Variants in UQCC1 observed in about 807,000 individuals in gnomAD.
UQCC1 encodes ubiquinol-cytochrome c reductase complex assembly factor 1.
Under a neutral mutation model 48.0 loss-of-function variants are expected in UQCC1, and 38 were observed. That is an observed-to-expected ratio of 0.79 (90% CI 0.61 to 1.04). UQCC1 has a LOEUF of 1.04. Ranked by LOEUF, UQCC1 falls within the 50% of genes least tolerant of loss-of-function variation. UQCC1 has a pLI of 0.00. For missense variants in UQCC1, 368 were observed against 381.8 expected (o/e 0.96, Z 0.30); for synonymous variants, 111 against 129.2 (o/e 0.86, Z 0.95).
intron 7 of UQCC1, among the ~76,000 whole-genome samples, chr20:35,336,301 C>T (rs1361478860): frequency 6.6e-6 from 1 of 152,154 alleles, no homozygotes; most frequent in Admixed American, 6.5e-5. Flanking sequence ...TAAAAGATAT[C>T]CATGTCCCAG....
chr20:35,407,724 A>G (rs998103045), intron 1 of UQCC1, among the ~76,000 whole-genome samples: 9 of 152,146 alleles, frequency 5.9e-5, no homozygotes, highest in African/African-American at 1.9e-4. Context: ...CATCTCTACT[A>G]AAAATACAAA....
intron 7 of UQCC1, chr20:35,346,204 A>G (rs1473022925): frequency 1.3e-5 from 2 of 152,168 alleles, no homozygotes; most frequent in Non-Finnish European, 2.9e-5. Context: ...ATCAGCAGAC[A>G]TGGGCAGGGA....
chr20:35,403,964 G>A (rs1428128840), intron 1 of UQCC1, among the ~76,000 whole-genome samples: 3 of 152,108 alleles, frequency 2.0e-5, no homozygotes, highest in African/African-American at 4.8e-5. Flanking sequence ...TAGGCCGGGC[G>A]TGGTGGCTCA....
chr20:35,343,292 C>G (rs927320772), intron 7 of UQCC1, among the ~76,000 whole-genome samples: 1 of 152,170 alleles, frequency 6.6e-6, no homozygotes, highest in African/African-American at 2.4e-5. Context: ...GTTAGGCCTC[C>G]CCTGTCCCCA....
In UQCC1 at chr20:35,394,184, T is replaced by C. The variant is rs78363605; in HGVS notation, c.37A>G (p.Ser13Gly). The change falls in exon 2 of 10, where the codon AGC (serine) becomes GGC (glycine). Residue 13 changes from serine (S) to glycine (G), a missense_variant. Coordinates refer to ENST00000374385, the MANE Select transcript of UQCC1 (RefSeq NM_018244.5). Reference sequence around the variant, plus strand: ...CATACTGGAACCCACTGAGAAATGCTAGTCTGGTTCCTCTAAAGAAAGAAA... The same window carrying C: ...CATACTGGAACCCACTGAGAAATGCCAGTCTGGTTCCTCTAAAGAAAGAAA... ...LLVRVLRNQT[S>G]ISQWVPVCSR... The C allele has an allele frequency of 2.3e-3, 3,745 of 1,613,898 alleles. 69 individuals carry two copies. In the African/African-American group the frequency reaches 0.045, roughly 20 times the overall value.
chr20:35,318,599 T>C (rs1362025470), intron 7 of UQCC1, among the ~76,000 whole-genome samples: 1 of 152,230 alleles, frequency 6.6e-6, no homozygotes, highest in African/African-American at 2.4e-5. Context: ...GCCTCTCCCT[T>C]CACCTCTAGC....
chr20:35,323,821 T>C (rs1423725625), intron 7 of UQCC1, among the ~76,000 whole-genome samples: 1 of 152,222 alleles, frequency 6.6e-6, no homozygotes, highest in Non-Finnish European at 1.5e-5. Flanking sequence ...ACCTACTCTT[T>C]CCCATTTCCA....
rs558076150 is a variant in UQCC1 at position 35,354,702 on chromosome 20, G to A, written c.465-7430C>T. Among the ~76,000 whole-genome samples the A allele has an allele frequency of 7.9e-5, 12 of 152,070 alleles. No individual in the cohort carries two copies. In the East Asian group the frequency reaches 2.1e-3, roughly 27 times the overall value. On this transcript the variant is annotated intron_variant, in intron 6 of 9. Coordinates refer to ENST00000374385, the MANE Select transcript of UQCC1 (RefSeq NM_018244.5). ...GAGCCACCATGCCCAGCCAAAGGAG[G>A]GCAAATTCTCATTACTCCTAAAACA...
At chr20:35,352,961 C>T (rs985430267) in intron 6 of UQCC1, among the ~76,000 whole-genome samples, 3 of 151,846 alleles carry the variant, frequency 2.0e-5, no homozygotes, top group East Asian at 1.9e-4. Context: ...GATACAGGCA[C>T]GAGCCACTGC....
intron 7 of UQCC1, among the ~76,000 whole-genome samples, chr20:35,324,549 A>G (rs537123148): frequency 6.6e-6 from 1 of 152,120 alleles, no homozygotes; most frequent in Non-Finnish European, 1.5e-5. Flanking sequence ...GATGGTCTCG[A>G]TCTCCTGACC....
At chr20:35,335,922 C>T (rs896058967) in intron 7 of UQCC1, among the ~76,000 whole-genome samples, 1 of 152,198 alleles carries the variant, frequency 6.6e-6, no homozygotes, top group African/African-American at 2.4e-5. Flanking sequence ...TTATGCCCAG[C>T]ACTTTGGGAT....
At chr20:35,329,133 C>T (rs1319747105) in intron 7 of UQCC1, among the ~76,000 whole-genome samples, 3 of 152,188 alleles carry the variant, frequency 2.0e-5, no homozygotes, top group Non-Finnish European at 4.4e-5. Flanking sequence ...AGGCATCAAG[C>T]ACTGTTTTAG....
chr20:35,403,209 C>G (rs141028786), intron 1 of UQCC1, among the ~76,000 whole-genome samples: 216 of 152,182 alleles, frequency 1.4e-3, no homozygotes, highest in Non-Finnish European at 2.2e-4. Context: ...GGTCAGGTTT[C>G]TATCAGAGAA....
intron 4 of UQCC1, among the ~76,000 whole-genome samples, chr20:35,374,715 G>A (rs567950292): frequency 8.2e-4 from 125 of 152,112 alleles, no homozygotes; most frequent in African/African-American, 3.0e-3. Context: ...AAATCTCGGG[G>A]GATGGAGTAA....
intron 4 of UQCC1, among the ~76,000 whole-genome samples, chr20:35,381,416 T>C (rs561828615): frequency 7.2e-5 from 11 of 152,308 alleles, no homozygotes; most frequent in Admixed American, 2.6e-4. Flanking sequence ...CCAGTCTTGT[T>C]GCCATGCCTG....
At chr20:35,321,283 T>C (rs73903048) in intron 7 of UQCC1, among the ~76,000 whole-genome samples, 4,994 of 141,496 alleles carry the variant, frequency 0.035, 223 homozygotes, top group African/African-American at 0.12. Context: ...TGTGTGTGTG[T>C]GCGCGCGCGC....
intron 3 of UQCC1, among the ~76,000 whole-genome samples, chr20:35,382,429 C>T (rs1479749061): frequency 6.6e-6 from 1 of 151,886 alleles, no homozygotes; most frequent in Non-Finnish European, 1.5e-5. Flanking sequence ...GTGTGAGCCA[C>T]CATGCTTGGG....
At chr20:35,346,595 T>C (rs2061434270) in intron 7 of UQCC1, 1 of 164,006 alleles carries the variant, frequency 6.1e-6, no homozygotes, top group Non-Finnish European at 1.3e-5. Context: ...GTTTCATTTT[T>C]CTATTGTCAT....
rs544145948 is a variant in UQCC1, at chr20:35,395,093, T to C, written c.25-897A>G. On this transcript the variant is annotated intron_variant, in intron 1 of 9. Coordinates refer to ENST00000374385, the MANE Select transcript of UQCC1 (RefSeq NM_018244.5). ...CGGGTGTGCCACCCTCCCTACACTT[T>C]GATGTGTTTACTAACCTAGAAGCTC... 3.3e-5 allele frequency among the ~76,000 whole-genome samples: 5 copies of C among 152,266 alleles called. No homozygotes were observed. In the South Asian group the frequency reaches 1.0e-3, roughly 32 times the overall value.
Sources: allele counts gnomAD v4.1 joint callset (sites outside exome capture counted in the v4.1 genomes callset), GRCh38; gene constraint gnomAD v4.1.1; transcripts MANE v1.5; gene names NCBI Gene and HGNC (gene_info 2026-07-23, HGNC 2026-07-21).